The following LRRC4C variants were observed in gnomAD, a reference collection of about 807,000 sequenced individuals.
LRRC4C encodes leucine rich repeat containing 4C.
In LRRC4C, 5 loss-of-function variants were observed where a neutral mutation model predicts 33.6. The ratio of observed to expected loss-of-function variants is 0.15; its 90% CI spans 0.08 to 0.31. The LOEUF (loss-of-function observed/expected upper bound fraction) is 0.31. Among genes scored for constraint, LRRC4C ranks in the 10% least tolerant of loss-of-function variants. The pLI is 1.00. For synonymous variants in LRRC4C, 329 were observed against 302.0 expected, an observed-to-expected ratio of 1.09 and a Z score of -0.93; for missense variants, 560 against 796.7, an observed-to-expected ratio of 0.70 and a Z score of 3.58.
At chr11:40,424,264 C>A (rs930721558) in intron 3 of LRRC4C, among the ~76,000 whole-genome samples, 5 of 152,100 alleles carry the variant, frequency 3.3e-5, no homozygotes, top group African/African-American at 1.2e-4. Flanking sequence ...TAACAAGGAT[C>A]TTTTGATGAA....
chr11:40,251,462 C>T (rs886622633), intron 4 of LRRC4C, among the ~76,000 whole-genome samples: 1 of 152,114 alleles, frequency 6.6e-6, no homozygotes, highest in Non-Finnish European at 1.5e-5. Flanking sequence ...ACAGTCAAAC[C>T]TACAAACAGA....
chr11:40,923,826 T>A (rs1016309812), intron 2 of LRRC4C, among the ~76,000 whole-genome samples: 1 of 152,154 alleles, frequency 6.6e-6, no homozygotes, highest in Admixed American at 6.6e-5. Context: ...TCTTATGTAA[T>A]GGACAAGCAT....
At chr11:40,786,297 A>G (rs1950408510) in intron 2 of LRRC4C, among the ~76,000 whole-genome samples, 1 of 152,182 alleles carries the variant, frequency 6.6e-6, no homozygotes. Context: ...GCTTTGGCCA[A>G]TGGGATGTTA....
At chr11:40,937,928 A>C (rs558886047) in intron 1 of LRRC4C, among the ~76,000 whole-genome samples, 6 of 152,188 alleles carry the variant, frequency 3.9e-5, no homozygotes, top group African/African-American at 1.4e-4. Flanking sequence ...AAGTGCTGGA[A>C]TTACAAGTGT....
chr11:40,599,292 T>TA lies in LRRC4C; in HGVS notation c.-270+48849dup, dbSNP rs140548469. On this transcript the variant is annotated intron_variant, in intron 3 of 6. Transcript: ENST00000528697. ...AGTGAGACCTATCTCTACAAAAATT[T>TA]AAAAAAAAAATCACCAGGTTTCGTG... Among the ~76,000 whole-genome samples, 26 of 150,246 alleles carry TA rather than the reference T, an allele frequency of 1.7e-4. No homozygotes were observed. The Middle Eastern group carries it at 0.01, about 59-fold the overall frequency.
At chr11:40,208,104 A>C (rs1353281799) in intron 5 of LRRC4C, among the ~76,000 whole-genome samples, 1 of 152,218 alleles carries the variant, frequency 6.6e-6, no homozygotes, top group East Asian at 1.9e-4. Context: ...TTGTGTTAAA[A>C]GAAATTTTCA....
chr11:41,049,425 C>T (rs9736789), intron 1 of LRRC4C, among the ~76,000 whole-genome samples: 12,218 of 152,084 alleles, frequency 0.08, 520 homozygotes, highest in Non-Finnish European at 0.096. Context: ...AGTGTGAAAA[C>T]GGATTAATAC....
intron 3 of LRRC4C, among the ~76,000 whole-genome samples, chr11:40,368,393 T>C (rs1948307670): frequency 1.3e-5 from 2 of 152,148 alleles, no homozygotes; most frequent in South Asian, 4.1e-4. Context: ...TGTGGGAGCC[T>C]GAATCAAAAT....
rs142134198 is a variant in LRRC4C, at chr11:41,349,030, T to C, written c.-496+110401A>G. ...GTTGGCTTTAGACTTTCTTGGCTGCTGGACCTGGACAGAGTAGGGCTGTCT... is the reference window on the plus strand; with the variant it reads ...GTTGGCTTTAGACTTTCTTGGCTGCCGGACCTGGACAGAGTAGGGCTGTCT... On this transcript the variant is annotated intron_variant, in intron 1 of 6. Transcript: ENST00000528697. Among the ~76,000 whole-genome samples, 400 of 152,322 alleles carry C rather than the reference T, an allele frequency of 2.6e-3. 3 individuals carry two copies. The highest frequency in any genetic ancestry group is 9.3e-3 in the African/African-American group (386 of 41,570).
chr11:40,267,976 T>G (rs574277054), intron 4 of LRRC4C, among the ~76,000 whole-genome samples: 1 of 152,288 alleles, frequency 6.6e-6, no homozygotes, highest in Admixed American at 6.5e-5. Flanking sequence ...TTGTGCCTCT[T>G]TTTTCTGGAG....
At chr11:41,414,380 C>T (rs1160624188) in intron 1 of LRRC4C, among the ~76,000 whole-genome samples, 4 of 152,092 alleles carry the variant, frequency 2.6e-5, no homozygotes, top group Non-Finnish European at 2.9e-5. Flanking sequence ...AGAGAGCTCT[C>T]TTTTATAGGT....
At chr11:40,670,998 C>T (rs913655689) in intron 2 of LRRC4C, among the ~76,000 whole-genome samples, 4 of 152,128 alleles carry the variant, frequency 2.6e-5, no homozygotes, top group African/African-American at 7.2e-5. Context: ...CTCCTGACCT[C>T]GTGATCCGCC....
At chr11:41,393,952 A>AT (rs545258041) in intron 1 of LRRC4C, among the ~76,000 whole-genome samples, 4 of 151,890 alleles carry the variant, frequency 2.6e-5, no homozygotes, top group South Asian at 2.1e-4. Flanking sequence ...CCCAGTGATA[A>AT]TTTTTTTTAA....
At chr11:41,372,321 T>C (rs1952781308) in intron 1 of LRRC4C, among the ~76,000 whole-genome samples, 1 of 152,194 alleles carries the variant, frequency 6.6e-6, no homozygotes, top group African/African-American at 2.4e-5. Context: ...CTTCAGTGAA[T>C]ACAACATTAT....
intron 1 of LRRC4C, among the ~76,000 whole-genome samples, chr11:40,943,699 GGCTAT>G (rs1958258016): frequency 6.6e-6 from 1 of 152,156 alleles, no homozygotes; most frequent in Admixed American, 6.5e-5. Flanking sequence ...TTGTCTCCAA[GGCTAT>G]CTCTCCTGTC....
At chr11:41,061,580 T>C (rs1265692314) in intron 1 of LRRC4C, among the ~76,000 whole-genome samples, 2 of 152,160 alleles carry the variant, frequency 1.3e-5, no homozygotes. Context: ...ACCACAAAAA[T>C]ATTTTTAAAT....
chr11:40,801,549 C>T (rs1951042578), intron 2 of LRRC4C, among the ~76,000 whole-genome samples: 1 of 152,112 alleles, frequency 6.6e-6, no homozygotes, highest in Non-Finnish European at 1.5e-5. Flanking sequence ...ATGCTGTATC[C>T]TTTGAGTTCA....
chr11:40,463,996 A>G (rs1031332832), intron 3 of LRRC4C, among the ~76,000 whole-genome samples: 2 of 152,060 alleles, frequency 1.3e-5, no homozygotes, highest in African/African-American at 4.8e-5. Context: ...GCCCAGAATC[A>G]TCCTGATACC....
intron 1 of LRRC4C, among the ~76,000 whole-genome samples, chr11:41,450,327 A>C (rs1254965853): frequency 6.6e-6 from 1 of 152,192 alleles, no homozygotes; most frequent in Non-Finnish European, 1.5e-5. Flanking sequence ...GTAAAAGAGA[A>C]AAAGGAGTCC....
Sources: gnomAD v4.1 joint callset for allele counts (sites outside exome capture counted in the v4.1 genomes callset) on GRCh38, gnomAD v4.1.1 for gene constraint, MANE v1.5 for transcripts, NCBI Gene and HGNC (gene_info 2026-07-23, HGNC 2026-07-21) for gene names.